Variants in METRNL observed in about 807,000 individuals in gnomAD.
METRNL encodes meteorin like, glial cell differentiation regulator.
METRNL carries 9 observed loss-of-function variants against 17.4 expected under a neutral mutation model. The ratio of observed to expected loss-of-function variants is 0.52; its 90% CI spans 0.31 to 0.90. The LOEUF (loss-of-function observed/expected upper bound fraction) is 0.90. Ranked by LOEUF, METRNL falls within the 40% of genes least tolerant of loss-of-function variation. The pLI, the probability that METRNL is intolerant of heterozygous loss-of-function variation, is 0.05. For synonymous variants in METRNL, 215 were observed against 199.3 expected (o/e 1.08, Z -0.66); for missense variants, 408 against 430.7 (o/e 0.95, Z 0.47).
rs973220029 is a variant in METRNL, at chr17:83,094,972, G to A, written c.*397G>A. The A allele has an allele frequency of 4.8e-6, 1 of 207,164 alleles. No individual in the cohort carries two copies. Among genetic ancestry groups the A allele is most frequent in the African/African-American group, 2.3e-5 (1 of 43,674 alleles). The allele number at this position is 207,164 out of a possible 1,614,324, so 12.8% of individuals were successfully genotyped here. ...GTTGGGCACAGTGGATGTGTGAAAA[G>A]GTGCCATTCAGAGTTGTTATTCTCA... On this transcript the variant is annotated 3_prime_UTR_variant, in exon 4 of 4. Transcript: ENST00000320095.
At chr17:83,082,538 C>A (rs1192969987) in intron 1 of METRNL, among the ~76,000 whole-genome samples, 1 of 152,212 alleles carries the variant, frequency 6.6e-6, no homozygotes, top group Admixed American at 6.5e-5. Context: ...TAAAGTTGAA[C>A]GAACCACGGT....
At chr17:83,093,647 C>T (rs940803896) in intron 3 of METRNL, among the ~76,000 whole-genome samples, 5 of 152,296 alleles carry the variant, frequency 3.3e-5, no homozygotes, top group African/African-American at 1.2e-4. Context: ...CTGAGGCCCC[C>T]GGCGGCTCTG....
chr17:83,093,405 AG>A (rs1432711727), intron 3 of METRNL, among the ~76,000 whole-genome samples, 179 bp downstream of exon 3: 34 of 152,302 alleles, frequency 2.2e-4, no homozygotes, highest in African/African-American at 7.5e-4. Context: ...CCCTGGGGAC[AG>A]GGACGCCACC....
Position 83,085,154 on chromosome 17 carries a change from G to A in METRNL, c.387G>A (p.Leu129=), listed in dbSNP as rs761230495. Residue 129 remains leucine, a synonymous_variant, in exon 2 of 4, where the codon CTG becomes CTA. Coordinates refer to ENST00000320095, the MANE Select transcript of METRNL (RefSeq NM_001004431.3). ...TGGAAAAAACTGGAGAACTGAGACT[G>A]CTGGTACCAGACGGGGACGGCAGGC... ...IYLEKTGELR[L]LVPDGDGRPG... 1 of 1,613,356 alleles carries A rather than the reference G, an allele frequency of 6.2e-7. No individual in the cohort carries two copies. Among genetic ancestry groups the A allele is most frequent in the Non-Finnish European group, 8.5e-7 (1 of 1,179,842 alleles).
intron 1 of METRNL, among the ~76,000 whole-genome samples, chr17:83,080,993 A>C (rs1319801745): frequency 1.3e-5 from 2 of 151,370 alleles, no homozygotes; most frequent in Non-Finnish European, 3.0e-5. Context: ...GTCTCCCCGC[A>C]GCCGCAGCCT....
In METRNL at chr17:83,089,889, C is replaced by T. The variant is rs777754508; in HGVS notation, c.557-3278C>T. ...GTCGTCTCCAGAGGCTTCTAGCAGG[C>T]GAGGCTGCAGGCACTGACCGTCCCC... On this transcript the variant is annotated intron_variant, in intron 2 of 3. Transcript: ENST00000320095. 1.4e-4 allele frequency among the ~76,000 whole-genome samples: 22 copies of T among 152,140 alleles called. No homozygotes were observed. The South Asian group carries it at 1.9e-3, about 13-fold the overall frequency.
chr17:83,089,144 G>A (rs989431789), intron 2 of METRNL, among the ~76,000 whole-genome samples: 2 of 152,118 alleles, frequency 1.3e-5, no homozygotes, highest in Admixed American at 6.5e-5. Flanking sequence ...GCCGCAGCGC[G>A]ACGGTGATGA....
intron 1 of METRNL, among the ~76,000 whole-genome samples, chr17:83,081,666 CCACA>C (rs543201996): frequency 6.1e-4 from 92 of 151,314 alleles, no homozygotes; most frequent in African/African-American, 1.9e-3. Context: ...GGGGACCCCC[CCACA>C]CACACACACA....
At chr17:83,088,311 G>C (rs961266378) in intron 2 of METRNL, among the ~76,000 whole-genome samples, 2 of 152,200 alleles carry the variant, frequency 1.3e-5, no homozygotes, top group African/African-American at 4.8e-5. Context: ...CTGAGGCCGT[G>C]TGGGGCTGCT....
intron 1 of METRNL, 76 bp downstream of exon 1, chr17:83,080,061 CG>C: frequency 1.1e-6 from 1 of 890,632 alleles, no homozygotes; most frequent in Non-Finnish European, 1.3e-6. Flanking sequence ...GCCGAGCGTG[CG>C]GGGGCGCGGC....
intron 1 of METRNL, 115 bp downstream of exon 1, chr17:83,080,100 G>A (rs865969285): frequency 6.1e-6 from 3 of 491,300 alleles, no homozygotes; most frequent in Middle Eastern, 9.7e-4. Flanking sequence ...CAGGGGCTCC[G>A]GGGGCCGCTC....
At position 83,084,886 on chromosome 17, in the gene METRNL, G is replaced by T. The variant is rs199617152; in HGVS notation, c.171-52G>T. 4,661 of 1,563,502 alleles carry T rather than the reference G, an allele frequency of 3.0e-3. 8 individuals carry two copies. The highest frequency in any genetic ancestry group is 3.8e-3 in the Non-Finnish European group (4,343 of 1,156,018). On this transcript the variant is annotated intron_variant, in intron 1 of 3. Transcript: ENST00000320095. ...TCACTGACTCTCTGTGGGTGCGGGT[G>T]GGGTGTGTGACGGGAGCTCCGGGCC... is the stretch of plus-strand genomic sequence containing the variant.
chr17:83,080,780 G>C (rs552319891), intron 1 of METRNL, among the ~76,000 whole-genome samples: 29 of 150,518 alleles, frequency 1.9e-4, no homozygotes, highest in East Asian at 4.0e-4. Flanking sequence ...CAGATGCGCG[G>C]GGACCCGAGT....
At chr17:83,080,828 C>T (rs571652105) in intron 1 of METRNL, among the ~76,000 whole-genome samples, 1 of 150,002 alleles carries the variant, frequency 6.7e-6, no homozygotes, top group African/African-American at 2.4e-5. Flanking sequence ...CGGGCTGGCC[C>T]GGGCCTGGGT....
At chr17:83,082,159 A>ACCACGAACTTT in intron 1 of METRNL, 1 of 985,420 alleles carries the variant, frequency 1.0e-6, no homozygotes, top group Non-Finnish European at 1.2e-6. Flanking sequence ...ATAAATGTGG[A>ACCACGAACTTT]CCATGAACTT....
At position 83,086,554 on chromosome 17, in the gene METRNL, G is replaced by A. The variant is rs75207720; in HGVS notation, c.556+1231G>A. Among the ~76,000 whole-genome samples, 1,330 of 152,344 alleles carry A rather than the reference G, an allele frequency of 8.7e-3. 15 individuals carry two copies. Among genetic ancestry groups the A allele is most frequent in the African/African-American group, 0.03 (1,257 of 41,572 alleles). On this transcript the variant is annotated intron_variant, in intron 2 of 3. Transcript: ENST00000320095. ...CCTGGAGAAAAACTCACAATGAGGC[G>A]AAACCTGGAGAAATCCAAGCTCCAA...
At chr17:83,081,390 C>T (rs976929889) in intron 1 of METRNL, among the ~76,000 whole-genome samples, 1 of 152,182 alleles carries the variant, frequency 6.6e-6, no homozygotes, top group Non-Finnish European at 1.5e-5. Flanking sequence ...CCGAGTGTGT[C>T]GAGAAGGGGC....
intron 1 of METRNL, chr17:83,084,346 A>G (rs72854233): frequency 0.067 from 10,163 of 152,820 alleles, 379 homozygotes; most frequent in Admixed American, 0.075. Context: ...GGATTAACTT[A>G]AAAGCTGCTC....
chr17:83,086,928 C>T (rs1344982628), intron 2 of METRNL, among the ~76,000 whole-genome samples: 6 of 151,434 alleles, frequency 4.0e-5, no homozygotes, highest in African/African-American at 9.7e-5. Context: ...GGGTGGGGTC[C>T]GAGGCCTACA....
Sources: allele counts gnomAD v4.1 joint callset (sites outside exome capture counted in the v4.1 genomes callset), GRCh38; gene constraint gnomAD v4.1.1; transcripts MANE v1.5; gene names NCBI Gene and HGNC (gene_info 2026-07-23, HGNC 2026-07-21).